CAMTA1: variants seen among roughly 807,000 people sequenced by gnomAD.
The protein encoded by CAMTA1 is calmodulin-binding transcription activator 1.
Under a neutral mutation model 170.9 loss-of-function variants are expected in CAMTA1, and 27 were observed. The ratio of observed to expected loss-of-function variants is 0.16; its 90% CI spans 0.12 to 0.22. The LOEUF (loss-of-function observed/expected upper bound fraction) is 0.22. CAMTA1 is among the 10% of genes least tolerant of loss of function. The pLI, the probability that CAMTA1 is intolerant of heterozygous loss-of-function variation, is 1.00. For missense variants in CAMTA1, 1,619 were observed against 2,217.2 expected, an observed-to-expected ratio of 0.73 and a Z score of 5.42; for synonymous variants, 833 against 891.5, an observed-to-expected ratio of 0.93 and a Z score of 1.17.
At chr1:7,303,408 A>G (rs1413221438) in intron 5 of CAMTA1, among the ~76,000 whole-genome samples, 1 of 152,246 alleles carries the variant, frequency 6.6e-6, no homozygotes, top group African/African-American at 2.4e-5. Flanking sequence ...ATGTATACAT[A>G]CACACATGCA....
At chr1:6,797,460 A>T (rs1291141149) in intron 1 of CAMTA1, among the ~76,000 whole-genome samples, 1 of 151,160 alleles carries the variant, frequency 6.6e-6, no homozygotes, top group Admixed American at 6.6e-5. Context: ...ATCTTGGCTC[A>T]CCGCAACCTC....
At chr1:7,507,033 T>C (rs2094126976) in intron 6 of CAMTA1, among the ~76,000 whole-genome samples, 1 of 149,652 alleles carries the variant, frequency 6.7e-6, no homozygotes, top group Non-Finnish European at 1.5e-5. Flanking sequence ...TCAAAACTCA[T>C]GCTCACATTA....
intron 3 of CAMTA1, among the ~76,000 whole-genome samples, chr1:7,060,787 C>A (rs185689814): frequency 1.5e-3 from 230 of 152,308 alleles, no homozygotes; most frequent in African/African-American, 5.4e-3. Context: ...GACAAGGCTT[C>A]TGCATTGAAA....
intron 1 of CAMTA1, among the ~76,000 whole-genome samples, chr1:6,797,714 A>T (rs1321867021): frequency 6.6e-6 from 1 of 151,886 alleles, no homozygotes; most frequent in Non-Finnish European, 1.5e-5. Context: ...TGCCATAACA[A>T]CTCACAGATC....
intron 5 of CAMTA1, among the ~76,000 whole-genome samples, chr1:7,337,307 G>A (rs980719160): frequency 7.9e-5 from 12 of 152,224 alleles, no homozygotes; most frequent in Admixed American, 5.9e-4. Flanking sequence ...AGGAGAGGGC[G>A]TGTCTGATAG....
At chr1:6,901,392 A>G (rs1676902703) in intron 3 of CAMTA1, among the ~76,000 whole-genome samples, 1 of 152,242 alleles carries the variant, frequency 6.6e-6, no homozygotes, top group East Asian at 1.9e-4. Context: ...GACTTCCTAG[A>G]AATTAAAAAA....
intron 6 of CAMTA1, among the ~76,000 whole-genome samples, chr1:7,554,848 G>C (rs555418866): frequency 3.0e-4 from 45 of 152,096 alleles, no homozygotes; most frequent in Admixed American, 2.8e-3. Context: ...CCAGATTTCT[G>C]TAGGGCAGAA....
At chr1:6,880,023 C>G (rs1671063109) in intron 3 of CAMTA1, among the ~76,000 whole-genome samples, 1 of 151,882 alleles carries the variant, frequency 6.6e-6, no homozygotes, top group African/African-American at 2.4e-5. Context: ...AGCAAACCCA[C>G]CTGGAATGGT....
intron 3 of CAMTA1, among the ~76,000 whole-genome samples, chr1:7,023,435 G>T (rs2100986800): frequency 6.6e-6 from 1 of 152,278 alleles, no homozygotes; most frequent in East Asian, 1.9e-4. Context: ...GACCACCACG[G>T]GAGATAATCC....
chr1:7,059,999 C>T (rs779358589), intron 3 of CAMTA1, among the ~76,000 whole-genome samples: 6 of 152,232 alleles, frequency 3.9e-5, no homozygotes, highest in Non-Finnish European at 7.3e-5. Flanking sequence ...GGGCAGCCGC[C>T]ACAGCTGCCC....
At chr1:7,626,623 A>G (rs2095635422) in intron 6 of CAMTA1, among the ~76,000 whole-genome samples, 1 of 152,206 alleles carries the variant, frequency 6.6e-6, no homozygotes, top group Non-Finnish European at 1.5e-5. Context: ...CATTTGCTTC[A>G]GAAGGTTCTG....
intron 3 of CAMTA1, among the ~76,000 whole-genome samples, chr1:6,862,828 A>G (rs1665242744): frequency 6.6e-6 from 1 of 152,226 alleles, no homozygotes; most frequent in Non-Finnish European, 1.5e-5. Flanking sequence ...TTTCTCAGCA[A>G]TTAGAGCGAG....
chr1:7,283,577 T>C (rs971291848), intron 5 of CAMTA1, among the ~76,000 whole-genome samples: 1 of 152,184 alleles, frequency 6.6e-6, no homozygotes, highest in African/African-American at 2.4e-5. Context: ...TGGACTCCCC[T>C]AAGTCCAAAC....
At chr1:7,763,027 T>A (rs2096987394) in intron 22 of CAMTA1, among the ~76,000 whole-genome samples, 1 of 152,194 alleles carries the variant, frequency 6.6e-6, no homozygotes, top group Admixed American at 6.5e-5. Flanking sequence ...GACAGTGAAA[T>A]GTTGAAACTA....
chr1:7,032,664 G>T (rs1051496195), intron 3 of CAMTA1, among the ~76,000 whole-genome samples: 1 of 152,032 alleles, frequency 6.6e-6, no homozygotes, highest in African/African-American at 2.4e-5. Flanking sequence ...TCTTTGTGTA[G>T]ATCCAGATTT....
intron 9 of CAMTA1, among the ~76,000 whole-genome samples, chr1:7,666,211 T>C (rs2096000495): frequency 6.6e-6 from 1 of 151,022 alleles, no homozygotes; most frequent in African/African-American, 2.4e-5. Flanking sequence ...ATAGATCGTC[T>C]ACATCCACTG....
At chr1:6,799,284 G>C (rs1643345663) in intron 1 of CAMTA1, among the ~76,000 whole-genome samples, 1 of 152,106 alleles carries the variant, frequency 6.6e-6, no homozygotes, top group Non-Finnish European at 1.5e-5. Context: ...GCGCAGGCTT[G>C]TCTTGTACTC....
intron 5 of CAMTA1, among the ~76,000 whole-genome samples, chr1:7,381,797 C>T (rs1335025683): frequency 6.7e-6 from 1 of 148,278 alleles, no homozygotes; most frequent in East Asian, 2.0e-4. Flanking sequence ...CCTATTTCTC[C>T]ACATCCTCTC....
chr1:6,915,859 C>T (rs1049743322), intron 3 of CAMTA1, among the ~76,000 whole-genome samples: 7 of 152,190 alleles, frequency 4.6e-5, no homozygotes, highest in African/African-American at 1.4e-4. Context: ...TCTCCAAGAC[C>T]GTCTATCCTA....
Sources: gnomAD v4.1 joint callset for allele counts (sites outside exome capture counted in the v4.1 genomes callset) on GRCh38, gnomAD v4.1.1 for gene constraint, MANE v1.5 for transcripts, NCBI Gene and HGNC (gene_info 2026-07-23, HGNC 2026-07-21) for gene names.